The following CNTN2 variants were observed in gnomAD, a reference collection of about 807,000 sequenced individuals.
CNTN2 encodes the protein contactin 2.
Under a neutral mutation model 117.5 loss-of-function variants are expected in CNTN2, and 53 were observed. The observed-to-expected ratio is 0.45, with a 90% CI of 0.36 to 0.57. The LOEUF is 0.57. Ranked by LOEUF, CNTN2 falls within the 20% of genes least tolerant of loss-of-function variation. The probability of loss-of-function intolerance (pLI) is 0.00; values close to 1 mark genes in which losing one functional copy is unlikely to be tolerated. For missense variants in CNTN2, 1,106 were observed against 1,404.3 expected, an observed-to-expected ratio of 0.79 and a Z score of 3.39; for synonymous variants, 530 against 561.7, an observed-to-expected ratio of 0.94 and a Z score of 0.80.
rs202038605 is a variant in CNTN2, at chr1:205,069,475, C to A, written c.2126-16C>A. The A allele has an allele frequency of 9.3e-6, 15 of 1,613,812 alleles. No homozygotes were observed. In the Admixed American group the frequency reaches 2.5e-4, roughly 27 times the overall value. On this transcript the variant is annotated splice_polypyrimidine_tract_variant and intron_variant, in intron 16 of 22. Coordinates refer to ENST00000331830, the MANE Select transcript of CNTN2 (RefSeq NM_005076.5). ...CTCATTAACAAGCCATATCGGTGTC[C>A]CTTGGCCCTTGACAGCCCCCTCGGT...
intron 1 of CNTN2, among the ~76,000 whole-genome samples, chr1:205,051,513 G>C (rs886705661): frequency 6.6e-6 from 1 of 152,168 alleles, no homozygotes; most frequent in Admixed American, 6.5e-5. Flanking sequence ...GACAGGGAGG[G>C]GCAGGTATTT....
At chr1:205,051,086 G>A (rs1200687908) in intron 1 of CNTN2, among the ~76,000 whole-genome samples, 2 of 152,238 alleles carry the variant, frequency 1.3e-5, no homozygotes, top group East Asian at 1.9e-4. Context: ...GTGTGCCCAC[G>A]CATGTGTTCA....
rs1654906052 is a variant in CNTN2 at position 205,077,226 on chromosome 1, T to C, written c.*3461T>C. On this transcript the variant is annotated 3_prime_UTR_variant, in exon 23 of 23. Coordinates refer to ENST00000331830, the MANE Select transcript of CNTN2 (RefSeq NM_005076.5). ...ATTAAGGGGGCTCATCTAGGAATTC[T>C]GGTTACAGCCCAGTGCTCATCCCAG... is the stretch of plus-strand genomic sequence containing the variant. 6.6e-6 allele frequency: 1 copy of C among 152,288 alleles called. No individual in the cohort carries two copies. Among genetic ancestry groups the C allele is most frequent in the African/African-American group, 2.4e-5 (1 of 41,470 alleles). 9.4% of individuals were successfully genotyped at this position (152,288 alleles called of 1,614,324 possible). A position where few individuals can be genotyped will look rare whatever the true frequency, so the allele number is the denominator to read the frequency against.
At chr1:205,069,386 T>A in intron 16 of CNTN2, 105 bp from the exon 17 acceptor site, 1 of 1,109,626 alleles carries the variant, frequency 9.0e-7, no homozygotes, top group East Asian at 2.5e-5. Context: ...CAGGGCCCAG[T>A]TGAAGGGGTT....
rs370598600 is a variant in CNTN2 at position 205,072,641 on chromosome 1, T to G, written c.2844+46T>G. 287 of 1,422,716 alleles carry G rather than the reference T, an allele frequency of 2.0e-4. 1 individual carries two copies. The African/African-American group carries it at 3.8e-3, about 19-fold the overall frequency. 88.1% of individuals were successfully genotyped at this position (1,422,716 alleles called of 1,614,324 possible). A position where few individuals can be genotyped will look rare whatever the true frequency, so the allele number is the denominator to read the frequency against. ...GCCCAGAATGGGAAGGAACAGCTCCTCTGTGTTTCCAGTGAACATAAGCAG... is the reference window on the plus strand; with the variant it reads ...GCCCAGAATGGGAAGGAACAGCTCCGCTGTGTTTCCAGTGAACATAAGCAG... On this transcript the variant is annotated intron_variant, in intron 21 of 22. Transcript: ENST00000331830.
Position 205,074,744 on chromosome 1 carries a change from A to G in CNTN2, c.*979A>G. On this transcript the variant is annotated 3_prime_UTR_variant, in exon 23 of 23. Transcript: ENST00000331830. ...CTGCAGCCCCAGACTCTGCTCTCCCAGCACTGACTCACTCCTGCCTGGGAG... is the reference window on the plus strand; with the variant it reads ...CTGCAGCCCCAGACTCTGCTCTCCCGGCACTGACTCACTCCTGCCTGGGAG... 2.5e-6 allele frequency: 1 copy of G among 398,810 alleles called. No individual in the cohort carries two copies. The highest frequency in any genetic ancestry group is 4.4e-6 in the Non-Finnish European group (1 of 226,166). The allele number at this position is 398,810 out of a possible 1,614,324, so 24.7% of individuals were successfully genotyped here. A position where few individuals can be genotyped will look rare whatever the true frequency, so the allele number is the denominator to read the frequency against.
At chr1:205,052,864 A>AG (rs964991778) in intron 1 of CNTN2, among the ~76,000 whole-genome samples, 1 of 152,202 alleles carries the variant, frequency 6.6e-6, no homozygotes, top group Non-Finnish European at 1.5e-5. Flanking sequence ...GAATGGGGGC[A>AG]GGTGGGGGTA....
chr1:205,070,708 C>T (rs930525695), intron 19 of CNTN2, 170 bp downstream of exon 19: 4 of 549,178 alleles, frequency 7.3e-6, no homozygotes, highest in Non-Finnish European at 1.3e-5. Flanking sequence ...ACTAAGACCC[C>T]ATGGCAGGCC....
At position 205,058,957 on chromosome 1, in the gene CNTN2, C is replaced by T; in HGVS notation, c.488-127C>T. 2.4e-6 allele frequency: 2 copies of T among 842,214 alleles called. No homozygotes were observed. The highest frequency in any genetic ancestry group is 1.6e-5 in the South Asian group (1 of 61,178). 52.2% of individuals were successfully genotyped at this position (842,214 alleles called of 1,614,324 possible). On this transcript the variant is annotated intron_variant, in intron 5 of 22. Transcript: ENST00000331830. The surrounding 1 kb of genome is among the most constrained non-coding windows in gnomAD (Gnocchi z 4.3). Reference sequence around the variant, plus strand: ...TTCTTCCCTCTAGGTCTCCCCTTAGCCCCAGTTCAGAGCATGGTGGCTGTC... The same window carrying T: ...TTCTTCCCTCTAGGTCTCCCCTTAGTCCCAGTTCAGAGCATGGTGGCTGTC...
intron 17 of CNTN2, 85 bp from the exon 18 acceptor site, chr1:205,069,742 C>A: frequency 6.6e-7 from 1 of 1,507,382 alleles, no homozygotes; most frequent in Non-Finnish European, 9.1e-7. Flanking sequence ...AGGGCCGCTA[C>A]TCTTGGCAAA....
Position 205,072,479 on chromosome 1 carries a change from G to A in CNTN2, c.2732-4G>A, listed in dbSNP as rs552489700. ...ACATCTCTCCAATTCTTCCTCTCTGGCAGCTCCGCGGCGACCTCCTGGCAA... is the reference window on the plus strand; with the variant it reads ...ACATCTCTCCAATTCTTCCTCTCTGACAGCTCCGCGGCGACCTCCTGGCAA... On this transcript the variant is annotated splice_region_variant and splice_polypyrimidine_tract_variant and intron_variant, in intron 20 of 22. Coordinates refer to ENST00000331830, the MANE Select transcript of CNTN2 (RefSeq NM_005076.5). 6.2e-7 allele frequency: 1 copy of A among 1,613,362 alleles called. No individual in the cohort carries two copies. Among genetic ancestry groups the A allele is most frequent in the East Asian group, 2.2e-5 (1 of 44,882 alleles).
intron 15 of CNTN2, 65 bp downstream of exon 15, chr1:205,066,664 G>A: frequency 6.4e-7 from 1 of 1,571,250 alleles, no homozygotes; most frequent in Non-Finnish European, 8.7e-7. Context: ...GGTGGAAAGG[G>A]TCAAGGTTTG....
intron 7 of CNTN2, chr1:205,060,934 A>C (rs1259860588): frequency 6.8e-6 from 2 of 294,256 alleles, no homozygotes; most frequent in Admixed American, 5.0e-5. Context: ...ACCCAGAGGC[A>C]TGGTGACCGG....
In CNTN2 at chr1:205,076,087, CAAGT is replaced by C. The variant is rs1472052507; in HGVS notation, c.*2328_*2331del. 4.6e-5 allele frequency: 7 copies of C among 152,150 alleles called. No individual in the cohort carries two copies. The highest frequency in any genetic ancestry group is 7.2e-5 in the African/African-American group (3 of 41,416). The allele number at this position is 152,150 out of a possible 1,614,324, so 9.4% of individuals were successfully genotyped here. A position where few individuals can be genotyped will look rare whatever the true frequency, so the allele number is the denominator to read the frequency against. ...GCTTCAGGCCAACGATAGTTACTCA[CAAGT>C]AAGTACCTTAATGCTAATGAGGTCC... On this transcript the variant is annotated 3_prime_UTR_variant, in exon 23 of 23. Coordinates refer to ENST00000331830, the MANE Select transcript of CNTN2 (RefSeq NM_005076.5).
rs371093366 is a variant in CNTN2, at chr1:205,058,854, C to T, written c.487+191C>T. On this transcript the variant is annotated intron_variant, in intron 5 of 22. Coordinates refer to ENST00000331830, the MANE Select transcript of CNTN2 (RefSeq NM_005076.5). The surrounding 1 kb of genome is among the most constrained non-coding windows in gnomAD (Gnocchi z 4.3). ...ACTTTCCATCGTTGTGCCCTGCTTC[C>T]GCCTTCAAACTGGGTGGCCCCTGAG... is the stretch of plus-strand genomic sequence containing the variant. 22 of 663,900 alleles carry T rather than the reference C, an allele frequency of 3.3e-5. No individual in the cohort carries two copies. Among genetic ancestry groups the T allele is most frequent in the Middle Eastern group, 7.6e-4 (2 of 2,640 alleles). The allele number at this position is 663,900 out of a possible 1,614,324, so 41.1% of individuals were successfully genotyped here. A position where few individuals can be genotyped will look rare whatever the true frequency, so the allele number is the denominator to read the frequency against.
chr1:205,049,927 G>A (rs2096449430), intron 1 of CNTN2, among the ~76,000 whole-genome samples: 1 of 152,162 alleles, frequency 6.6e-6, no homozygotes, highest in South Asian at 2.1e-4. Flanking sequence ...GCCTCCCATG[G>A]TGGCCTTGAG....
chr1:205,070,448 G>C lies in CNTN2; in HGVS notation c.2454G>C (p.Lys818Asn), dbSNP rs779359343. Reference sequence around the variant, plus strand: ...CAGAGCCCAGGGTGGCCCCTACCAAGGTGTGGGCCAAAGGGGTCTCATCCT... The same window carrying C: ...CAGAGCCCAGGGTGGCCCCTACCAACGTGTGGGCCAAAGGGGTCTCATCCT... ...AEEEPRVAPT[K>N]VWAKGVSSSE... Residue 818 changes from lysine (K) to asparagine (N), a missense_variant, in exon 19 of 23, where the codon AAG (lysine) becomes AAC (asparagine). Physicochemically the swap from Lys to Asn is moderately conservative, Grantham distance 94. Transcript: ENST00000331830. The C allele has an allele frequency of 6.2e-7, 1 of 1,613,908 alleles. No homozygotes were observed. Among genetic ancestry groups the C allele is most frequent in the Admixed American group, 1.7e-5 (1 of 60,014 alleles).
Position 205,058,394 on chromosome 1 carries a change from G to A in CNTN2, c.391+38G>A. On this transcript the variant is annotated intron_variant, in intron 4 of 22. Coordinates refer to ENST00000331830, the MANE Select transcript of CNTN2 (RefSeq NM_005076.5). This position sits in a 1 kb window ranked among gnomAD's most constrained non-coding sequence, Gnocchi z 4.3. ...GGGGACCAAGACACTTTGGGGGAGG[G>A]GGAGAGGGGGCTAGGAGAAATTACT... is the stretch of plus-strand genomic sequence containing the variant. 6.5e-7 allele frequency: 1 copy of A among 1,533,842 alleles called. No individual in the cohort carries two copies. Among genetic ancestry groups the A allele is most frequent in the Non-Finnish European group, 8.8e-7 (1 of 1,137,360 alleles).
chr1:205,069,857 G>A lies in CNTN2; in HGVS notation c.2227G>A (p.Gly743Ser), dbSNP rs1654495648. ...PMSREYQNGD[G>S]FGYLLSFRRQ... ...GTCACGGGAGTACCAGAACGGAGAC[G>A]GCTTCGGCTACCTGCTGTCCTTCCG... The change falls in exon 18 of 23, where the codon GGC becomes AGC. Residue 743 changes from glycine (G) to serine (S), a missense_variant. Physicochemically the swap from Gly to Ser is moderately conservative, Grantham distance 56 (BLOSUM62 0). Transcript: ENST00000331830. 2 of 1,613,834 alleles carry A rather than the reference G, an allele frequency of 1.2e-6. No individual in the cohort carries two copies. The highest frequency in any genetic ancestry group is 1.1e-5 in the South Asian group (1 of 91,070).
Sources: allele counts gnomAD v4.1 joint callset (sites outside exome capture counted in the v4.1 genomes callset), GRCh38; gene constraint gnomAD v4.1.1; non-coding constraint Gnocchi (gnomAD v3.1); transcripts MANE v1.5; gene names NCBI Gene and HGNC (gene_info 2026-07-23, HGNC 2026-07-21).